The following PLCB3 variants were observed in gnomAD, a reference collection of about 807,000 sequenced individuals.
The protein encoded by PLCB3 is phospholipase C beta 3, also known as 1-phosphatidylinositol 4,5-bisphosphate phosphodiesterase beta-3.
A neutral mutation model predicts 152.1 loss-of-function variants in PLCB3; 54 were observed. The observed-to-expected ratio is 0.36, with a 90% CI of 0.29 to 0.45. The LOEUF (loss-of-function observed/expected upper bound fraction) is 0.45. Ranked by LOEUF, PLCB3 falls within the 20% of genes least tolerant of loss-of-function variation. PLCB3 has a pLI of 1.00. For missense variants in PLCB3, 1,248 were observed against 1,687.5 expected, an observed-to-expected ratio of 0.74 and a Z score of 4.56; for synonymous variants, 717 against 698.7, an observed-to-expected ratio of 1.03 and a Z score of -0.41.
At position 64,257,016 on chromosome 11, in the gene PLCB3, T is replaced by TTTTTTTTTTTTTTTTTTTTTTTTTTTTC. The variant is rs771872374; in HGVS notation, c.1012+257_1012+258insTTTTTTTTTTTTTTTTTTTTTTCTTTTT. Among the ~76,000 whole-genome samples the TTTTTTTTTTTTTTTTTTTTTTTTTTTTC allele has an allele frequency of 2.8e-4, 34 of 120,678 alleles. 4 individuals carry two copies. The highest frequency in any genetic ancestry group is 8.7e-4 in the South Asian group (3 of 3,456). 79.2% of individuals were successfully genotyped at this position (120,678 alleles called of 152,430 possible). A position where few individuals can be genotyped will look rare whatever the true frequency, so the allele number is the denominator to read the frequency against. ...AGGGTCCTTTTTTTTTTTTTTTTTT[T>TTTTTTTTTTTTTTTTTTTTTTTTTTTTC]TTTTTGAGACAGAGTTTCGCTCTTG... On this transcript the variant is annotated intron_variant, in intron 10 of 30. Coordinates refer to ENST00000279230, the MANE Select transcript of PLCB3 (RefSeq NM_000932.5).
In PLCB3 at chr11:64,261,503, G is replaced by A. The variant is rs147004530; in HGVS notation, c.1828+7G>A. 5 of 1,612,926 alleles carry A rather than the reference G, an allele frequency of 3.1e-6. No homozygotes were observed. The South Asian group carries it at 4.4e-5, about 14-fold the overall frequency. On this transcript the variant is annotated splice_region_variant and intron_variant, in intron 15 of 30. Coordinates refer to ENST00000279230, the MANE Select transcript of PLCB3 (RefSeq NM_000932.5). Reference sequence around the variant, plus strand: ...TCCTTTGAGGCTGCTCGAAGTGAGTGGGGGTGGGTGGCAGGCATGGGAGCT... The same window carrying A: ...TCCTTTGAGGCTGCTCGAAGTGAGTAGGGGTGGGTGGCAGGCATGGGAGCT...
chr11:64,251,696 C>G lies in PLCB3; in HGVS notation c.47C>G (p.Pro16Arg). The G allele has an allele frequency of 1.3e-6, 2 of 1,485,468 alleles. No individual in the cohort carries two copies. The highest frequency in any genetic ancestry group is 1.9e-4 in the Middle Eastern group (1 of 5,250). The allele number at this position is 1,485,468 out of a possible 1,614,324, so 92.0% of individuals were successfully genotyped here. Reference protein sequence around the residue: ...PGVHALQLEPPTVVETLRRGS... With the variant: ...PGVHALQLEPRTVVETLRRGS... ...GTCCACGCGCTGCAGTTGGAGCCGC[C>G]CACCGTGGTGGAGACCCTGCGGCGC... The change falls in exon 1 of 31, where the codon CCC becomes CGC. Residue 16 changes from proline (P) to arginine (R), a missense_variant. Physicochemically the swap from Pro to Arg is moderately radical, Grantham distance 103. Around this residue, in one of 6 missense-constraint regions of PLCB3, gnomAD observed 299 missense variants for 434.7 expected, o/e 0.69. Coordinates refer to ENST00000279230, the MANE Select transcript of PLCB3 (RefSeq NM_000932.5).
chr11:64,263,835 G>A (rs773532177), intron 21 of PLCB3, 40 bp downstream of exon 21: 8 of 1,548,960 alleles, frequency 5.2e-6, no homozygotes, highest in Admixed American at 1.7e-5. Context: ...GCCAGGGAGT[G>A]TGAGGGACAA....
In PLCB3 at chr11:64,261,991, C is replaced by T. The variant is rs1370905185; in HGVS notation, c.1953C>T (p.Gly651=). 2 of 1,614,090 alleles carry T rather than the reference C, an allele frequency of 1.2e-6. No individual in the cohort carries two copies. Among genetic ancestry groups the T allele is most frequent in the Non-Finnish European group, 1.7e-6 (2 of 1,180,026 alleles). ...AGCTCAGCCGCATCTACCCCAAGGG[C>T]ACCCGCGTGGACTCCTCCAACTACA... ...KQQLSRIYPK[G]TRVDSSNYMP... is the part of the protein sequence containing the mutation. The change falls in exon 17 of 31, where the codon GGC becomes GGT. Residue 651 remains glycine, a synonymous_variant. Transcript: ENST00000279230.
Position 64,265,383 on chromosome 11 carries a change from A to C in PLCB3, c.2916A>C (p.Arg972=). 3 of 1,611,782 alleles carry C rather than the reference A, an allele frequency of 1.9e-6. No individual in the cohort carries two copies. Among genetic ancestry groups the C allele is most frequent in the Non-Finnish European group, 2.5e-6 (3 of 1,179,512 alleles). ...TCAAGCTCCGGAGCCGGCAAGAGCG[A>C]GACCTGCGGGAGCTGCGCAAGAAGC... ...ALVKLRSRQE[R]DLRELRKKHQ... Residue 972 remains arginine (R), a synonymous_variant, in exon 25 of 31, where the codon CGA becomes CGC. Coordinates refer to ENST00000279230, the MANE Select transcript of PLCB3 (RefSeq NM_000932.5).
At chr11:64,261,690 G>A (rs370561203) in intron 16 of PLCB3, 25 bp downstream of exon 16, 19 of 1,598,318 alleles carry the variant, frequency 1.2e-5, no homozygotes, top group African/African-American at 1.1e-4. Context: ...TGCTGTGGGC[G>A]GGCAGGCCAG....
rs1187019824 is a variant in PLCB3 at position 64,258,745 on chromosome 11, A to G, written c.1253+32A>G. On this transcript the variant is annotated intron_variant, in intron 11 of 30. Coordinates refer to ENST00000279230, the MANE Select transcript of PLCB3 (RefSeq NM_000932.5). The surrounding 1 kb of genome is among the most constrained non-coding windows in gnomAD (Gnocchi z 7.2). ...GAGCCCCTGGCATGAAACCCCATGG[A>G]CCGGGGGACAGTCTTCCAGCTTCAG... 3 of 1,611,194 alleles carry G rather than the reference A, an allele frequency of 1.9e-6. No homozygotes were observed. The highest frequency in any genetic ancestry group is 2.5e-6 in the Non-Finnish European group (3 of 1,178,232).
Position 64,265,114 on chromosome 11 carries a change from G to A in PLCB3, c.2806+10G>A. On this transcript the variant is annotated intron_variant, in intron 23 of 30. Transcript: ENST00000279230. ...TCCCTCAGCAGCCCAGGTAAGGAGT[G>A]GCCTGGGTCGGGGGTGGGCTGCAGG... 1 of 1,549,332 alleles carries A rather than the reference G, an allele frequency of 6.5e-7. No homozygotes were observed. The highest frequency in any genetic ancestry group is 8.7e-7 in the Non-Finnish European group (1 of 1,144,058).
In PLCB3 at chr11:64,251,568, G is replaced by C. The variant is rs1565327337; in HGVS notation, c.-82G>C. On this transcript the variant is annotated 5_prime_UTR_variant, in exon 1 of 31. Coordinates refer to ENST00000279230, the MANE Select transcript of PLCB3 (RefSeq NM_000932.5). ...GGCGGGCACTGACGCCGCGGGGCCG[G>C]AGCGGGCCGCGCGGTGGGAGCAGCG... 5.7e-6 allele frequency: 3 copies of C among 528,846 alleles called. No homozygotes were observed. Among genetic ancestry groups the C allele is most frequent in the Non-Finnish European group, 2.7e-6 (1 of 364,386 alleles). The allele number at this position is 528,846 out of a possible 1,614,324, so 32.8% of individuals were successfully genotyped here. A position where few individuals can be genotyped will look rare whatever the true frequency, so the allele number is the denominator to read the frequency against.
chr11:64,264,475 A>G (rs1030129485), intron 22 of PLCB3, among the ~76,000 whole-genome samples: 3 of 152,140 alleles, frequency 2.0e-5, no homozygotes, highest in Admixed American at 6.5e-5. Context: ...TTCCAGATCC[A>G]GTCCCCCCAG....
chr11:64,264,945 C>CTCTA lies in PLCB3; in HGVS notation c.2653-5_2653-4insCTAT. The stretch of plus-strand genomic sequence containing the variant: ...CTGAAAAGAGCATTCTCCTTTCTCC[C>CTCTA]TATAGGCTCAGGCTGGCCAAGAGAC... On this transcript the variant is annotated splice_region_variant and splice_polypyrimidine_tract_variant and intron_variant, in intron 22 of 30. Transcript: ENST00000279230. 6.2e-7 allele frequency: 1 copy of CTCTA among 1,613,062 alleles called. No homozygotes were observed.
intron 25 of PLCB3, 128 bp downstream of exon 25, chr11:64,265,630 T>G: frequency 1.4e-6 from 2 of 1,415,982 alleles, no homozygotes; most frequent in Non-Finnish European, 1.9e-6. Context: ...AGTGCAAGGA[T>G]GGAGGAGGCT....
chr11:64,262,883 C>G, intron 19 of PLCB3, 75 bp downstream of exon 19: 25 of 1,470,142 alleles, frequency 1.7e-5, no homozygotes, highest in Non-Finnish European at 2.3e-5. Context: ...GGTGGGAGAA[C>G]AGGAACCAGG....
At chr11:64,253,075 G>A (rs78906923) in intron 1 of PLCB3, among the ~76,000 whole-genome samples, 170 of 152,302 alleles carry the variant, frequency 1.1e-3, no homozygotes, top group African/African-American at 3.7e-3. Flanking sequence ...CCAGATGAAC[G>A]CCCATCTTTT....
chr11:64,265,912 C>G lies in PLCB3; in HGVS notation c.3062C>G (p.Thr1021Arg), dbSNP rs138821310. 1.2e-6 allele frequency: 2 copies of G among 1,613,178 alleles called. No individual in the cohort carries two copies. The highest frequency in any genetic ancestry group is 1.9e-4 in the Middle Eastern group (1 of 5,358). Reference sequence around the variant, plus strand: ...GGTGGGGCCGCTGATGTGGAGGACACGAAGGAGGGGGAGGACGAGGCAAAG... The same window carrying G: ...GGTGGGGCCGCTGATGTGGAGGACAGGAAGGAGGGGGAGGACGAGGCAAAG... The part of the protein sequence containing the change: ...ALGGAADVED[T>R]KEGEDEAKRY... The change falls in exon 26 of 31, where the codon ACG (threonine) becomes AGG (arginine). Residue 1021 changes from threonine (T) to arginine (R), a missense_variant. Around this residue, in one of 6 missense-constraint regions of PLCB3, gnomAD observed 477 missense variants for 489.6 expected, o/e 0.97. Coordinates refer to ENST00000279230, the MANE Select transcript of PLCB3 (RefSeq NM_000932.5).
At position 64,254,474 on chromosome 11, in the gene PLCB3, C is replaced by T. The variant is rs768650660; in HGVS notation, c.159C>T (p.Tyr53=). The T allele has an allele frequency of 2.5e-6, 4 of 1,613,788 alleles. No individual in the cohort carries two copies. The highest frequency in any genetic ancestry group is 1.7e-5 in the Admixed American group (1 of 60,006). ...LRVDPNGFFL[Y]WTGPNMEVDT... is the part of the protein sequence containing the mutation. Reference sequence around the variant, plus strand: ...TGGACCCCAATGGCTTCTTCTTGTACTGGACGGGCCCCAACATGGTGAGGG... The same window carrying T: ...TGGACCCCAATGGCTTCTTCTTGTATTGGACGGGCCCCAACATGGTGAGGG... Residue 53 remains tyrosine, a synonymous_variant, in exon 2 of 31, where the codon TAC becomes TAT. Coordinates refer to ENST00000279230, the MANE Select transcript of PLCB3 (RefSeq NM_000932.5).
chr11:64,255,351 C>T lies in PLCB3; in HGVS notation c.467+38C>T. 6.2e-7 allele frequency: 1 copy of T among 1,613,680 alleles called. No individual in the cohort carries two copies. The highest frequency in any genetic ancestry group is 8.5e-7 in the Non-Finnish European group (1 of 1,179,670). On this transcript the variant is annotated intron_variant, in intron 5 of 30. Coordinates refer to ENST00000279230, the MANE Select transcript of PLCB3 (RefSeq NM_000932.5). This position sits in a 1 kb window ranked among gnomAD's most constrained non-coding sequence, Gnocchi z 6.8. The stretch of plus-strand genomic sequence containing the variant: ...CCACCCGAGGGGGAGCCGGGGGGTT[C>T]ACGTGGCCGTTTTCAGGGTGTGACC...
At chr11:64,251,818 G>T (rs1247919383) in intron 1 of PLCB3, 70 bp downstream of exon 1, 3 of 936,330 alleles carry the variant, frequency 3.2e-6, no homozygotes, top group Non-Finnish European at 4.4e-6. Flanking sequence ...AGACGCTGGG[G>T]ACCCCCACCC....
At chr11:64,263,076 C>T (rs1282830446) in intron 19 of PLCB3, among the ~76,000 whole-genome samples, 1 of 152,190 alleles carries the variant, frequency 6.6e-6, no homozygotes, top group Non-Finnish European at 1.5e-5. Flanking sequence ...ACACAGCCTA[C>T]CCTGTCTCCG....
Sources: allele counts gnomAD v4.1 joint callset (sites outside exome capture counted in the v4.1 genomes callset), GRCh38; gene constraint gnomAD v4.1.1; regional missense constraint gnomAD v4.1.1; non-coding constraint Gnocchi (gnomAD v3.1); transcripts MANE v1.5; gene names NCBI Gene and HGNC (gene_info 2026-07-23, HGNC 2026-07-21).